PDPR: variants seen among roughly 807,000 people sequenced by gnomAD.
The protein encoded by PDPR is pyruvate dehydrogenase phosphatase regulatory subunit, mitochondrial.
Under a neutral mutation model 102.2 loss-of-function variants are expected in PDPR, and 50 were observed. The observed-to-expected ratio is 0.49, with a 90% CI of 0.39 to 0.62. The LOEUF (loss-of-function observed/expected upper bound fraction) is 0.62. PDPR is among the 20% of genes least tolerant of loss of function. The pLI, the probability that PDPR is intolerant of heterozygous loss-of-function variation, is 0.00. For missense variants in PDPR, 625 were observed against 1,098.2 expected (o/e 0.57, Z 6.09); for synonymous variants, 259 against 406.0 (o/e 0.64, Z 4.35).
intron 17 of PDPR, among the ~76,000 whole-genome samples, chr16:70,151,001 C>A (rs112451939): frequency 1.1e-4 from 17 of 152,218 alleles, no homozygotes; most frequent in Admixed American, 7.2e-4. Context: ...GTGGCATGAT[C>A]TCGGCTCACT....
At chr16:70,149,228 ACTGCTATTCTTCATCCTGTTTTT>A (rs1966501413) in intron 17 of PDPR, among the ~76,000 whole-genome samples, 1 of 150,166 alleles carries the variant, frequency 6.7e-6, no homozygotes, top group Non-Finnish European at 1.5e-5. Context: ...ATGGAAGCAT[ACTGCTATTCTTCATCCTGTTTTT>A]TTTTTTTTCA....
chr16:70,155,697 C>T (rs1967082293), intron 18 of PDPR, among the ~76,000 whole-genome samples: 1 of 152,104 alleles, frequency 6.6e-6, no homozygotes, highest in African/African-American at 2.4e-5. Context: ...GCCATAATCA[C>T]CGTTAATAGT....
intron 15 of PDPR, among the ~76,000 whole-genome samples, chr16:70,145,055 C>T (rs1346704089): frequency 6.6e-6 from 1 of 152,200 alleles, no homozygotes; most frequent in Non-Finnish European, 1.5e-5. Context: ...GAATTTGAGA[C>T]CAGCCTGGCC....
rs534721187 is a variant in PDPR at position 70,134,558 on chromosome 16, C to T, written c.998-1636C>T. ...CTGTAATCCCAGCACTTTGGGAGGC[C>T]AAGGCGGGCAGATCGCCTGAGGTCA... On this transcript the variant is annotated intron_variant, in intron 9 of 18. Coordinates refer to ENST00000288050, the MANE Select transcript of PDPR (RefSeq NM_017990.5). 2.7e-4 allele frequency among the ~76,000 whole-genome samples: 40 copies of T among 148,488 alleles called. No individual in the cohort carries two copies. In the East Asian group the frequency reaches 5.4e-3, roughly 20 times the overall value.
Position 70,156,695 on chromosome 16 carries a change from A to G in PDPR, c.2456A>G (p.Asn819Ser), listed in dbSNP as rs767864452. ...CACGTTTGCCTGGGCTTTGTGCACAATTTTTCTGAGGACACGGGGGAAGAG... is the reference window on the plus strand; with the variant it reads ...CACGTTTGCCTGGGCTTTGTGCACAGTTTTTCTGAGGACACGGGGGAAGAG... ...ERHVCLGFVH[N>S]FSEDTGEEQV... Residue 819 changes from asparagine (N) to serine (S), a missense_variant, in exon 19 of 19, where the codon AAT becomes AGT. Physicochemically the swap from Asn to Ser is conservative, Grantham distance 46 (BLOSUM62 1). Transcript: ENST00000288050. 132 of 1,613,796 alleles carry G rather than the reference A, an allele frequency of 8.2e-5. No individual in the cohort carries two copies. Among genetic ancestry groups the G allele is most frequent in the Admixed American group, 2.3e-4 (14 of 60,002 alleles).
rs543693500 is a variant in PDPR, at chr16:70,149,999, C to T, written c.2052+1446C>T. 3.3e-5 allele frequency among the ~76,000 whole-genome samples: 5 copies of T among 152,124 alleles called. No individual in the cohort carries two copies. In the East Asian group the frequency reaches 7.7e-4, roughly 24 times the overall value. On this transcript the variant is annotated intron_variant, in intron 17 of 18. Transcript: ENST00000288050. ...TAGAGACGGGGTTTCACCGGGTTAA[C>T]CAGAATGGTCTCGATCTCCTACCTC...
At position 70,130,334 on chromosome 16, in the gene PDPR, A is replaced by G. The variant is rs533571988; in HGVS notation, c.608-89A>G. On this transcript the variant is annotated intron_variant, in intron 6 of 18. Transcript: ENST00000288050. ...ATTAAAGCATTGACTTGACTTTGTCAGTGTTTCTTCTGGGTGGAGAACCTG... is the reference window on the plus strand; with the variant it reads ...ATTAAAGCATTGACTTGACTTTGTCGGTGTTTCTTCTGGGTGGAGAACCTG... 2.6e-5 allele frequency: 36 copies of G among 1,384,182 alleles called. No individual in the cohort carries two copies. The South Asian group carries it at 4.4e-4, about 17-fold the overall frequency. The allele number at this position is 1,384,182 out of a possible 1,614,324, so 85.7% of individuals were successfully genotyped here. A position where few individuals can be genotyped will look rare whatever the true frequency, so the allele number is the denominator to read the frequency against.
chr16:70,115,343 C>G (rs2549294), intron 2 of PDPR, among the ~76,000 whole-genome samples: 50 of 152,224 alleles, frequency 3.3e-4, no homozygotes, highest in South Asian at 4.1e-4. Context: ...AGGCTGGTCT[C>G]GAACTCCTGA....
At chr16:70,154,401 T>G (rs1966886252) in intron 18 of PDPR, among the ~76,000 whole-genome samples, 1 of 152,278 alleles carries the variant, frequency 6.6e-6, no homozygotes, top group African/African-American at 2.4e-5. Context: ...CCTAGCACTT[T>G]GGGAGGCCAA....
Position 70,161,151 on chromosome 16 carries a change from C to T in PDPR, c.*4272C>T, listed in dbSNP as rs1967747913. 1 of 153,076 alleles carries T rather than the reference C, an allele frequency of 6.5e-6. No individual in the cohort carries two copies. The highest frequency in any genetic ancestry group is 1.5e-5 in the Non-Finnish European group (1 of 68,746). 9.5% of individuals were successfully genotyped at this position (153,076 alleles called of 1,614,324 possible). ...GGTTGGCCGGGCGTGGTCGCTTACTCCTGTAATCCCAGCACTTTGGGAGGC... is the reference window on the plus strand; with the variant it reads ...GGTTGGCCGGGCGTGGTCGCTTACTTCTGTAATCCCAGCACTTTGGGAGGC... On this transcript the variant is annotated 3_prime_UTR_variant, in exon 19 of 19. Transcript: ENST00000288050.
intron 2 of PDPR, among the ~76,000 whole-genome samples, chr16:70,118,287 G>T (rs1399019814): frequency 6.6e-6 from 1 of 152,228 alleles, no homozygotes; most frequent in African/African-American, 2.4e-5. Flanking sequence ...GATGCAAGTG[G>T]GTCTATAGGA....
At chr16:70,122,846 T>TAC (rs1437017547) in intron 3 of PDPR, among the ~76,000 whole-genome samples, 1 of 61,236 alleles carries the variant, frequency 1.6e-5, no homozygotes, top group African/African-American at 5.6e-5. Flanking sequence ...TATATCTGTA[T>TAC]ACACACATAC....
chr16:70,128,748 T>A (rs769576493), intron 4 of PDPR, 36 bp from the exon 5 acceptor site: 1 of 1,613,496 alleles, frequency 6.2e-7, no homozygotes, highest in South Asian at 1.1e-5. Context: ...CTACATTTGG[T>A]CTGATCTGTC....
In PDPR at chr16:70,157,118, A is replaced by C; in HGVS notation, c.*239A>C. 1.4e-6 allele frequency: 1 copy of C among 703,952 alleles called. No individual in the cohort carries two copies. Among genetic ancestry groups the C allele is most frequent in the Non-Finnish European group, 2.5e-6 (1 of 394,382 alleles). 43.6% of individuals were successfully genotyped at this position (703,952 alleles called of 1,614,324 possible). A position where few individuals can be genotyped will look rare whatever the true frequency, so the allele number is the denominator to read the frequency against. ...GGCTCTTCTTCCCTTCCCACCCCTCACTCAGCTTCTCGTGGTGGCAGGAGG... is the reference window on the plus strand; with the variant it reads ...GGCTCTTCTTCCCTTCCCACCCCTCCCTCAGCTTCTCGTGGTGGCAGGAGG... On this transcript the variant is annotated 3_prime_UTR_variant, in exon 19 of 19. Coordinates refer to ENST00000288050, the MANE Select transcript of PDPR (RefSeq NM_017990.5).
chr16:70,153,576 A>T lies in PDPR; in HGVS notation c.2235+3A>T, dbSNP rs780451800. 3.1e-5 allele frequency: 49 copies of T among 1,595,972 alleles called. No homozygotes were observed. Among genetic ancestry groups the T allele is most frequent in the Non-Finnish European group, 3.7e-5 (43 of 1,171,864 alleles). On this transcript the variant is annotated splice_donor_region_variant and intron_variant, in intron 18 of 18. Coordinates refer to ENST00000288050, the MANE Select transcript of PDPR (RefSeq NM_017990.5). ...AGTCTCGGGTGAAATTAGAGAAGGT[A>T]CTGTGTTTACCCAGACTCCACTTTC...
At chr16:70,122,128 A>G (rs1415883786) in intron 3 of PDPR, among the ~76,000 whole-genome samples, 1 of 152,248 alleles carries the variant, frequency 6.6e-6, no homozygotes, top group Non-Finnish European at 1.5e-5. Context: ...CTGGGATTAC[A>G]GGCACCCACC....
chr16:70,137,690 A>G (rs1319518885), intron 10 of PDPR, among the ~76,000 whole-genome samples: 1 of 152,282 alleles, frequency 6.6e-6, no homozygotes, highest in Admixed American at 6.5e-5. Context: ...AATTTATGAG[A>G]CCAGTTCTCT....
At chr16:70,139,890 A>G (rs1168686495) in intron 11 of PDPR, among the ~76,000 whole-genome samples, 3 of 152,274 alleles carry the variant, frequency 2.0e-5, no homozygotes, top group Non-Finnish European at 4.4e-5. Flanking sequence ...TGGTAGTTGA[A>G]CAACATTGTT....
intron 18 of PDPR, chr16:70,156,261 C>T: frequency 3.3e-6 from 2 of 605,710 alleles, no homozygotes; most frequent in South Asian, 2.3e-5. Context: ...ATGCGTACCT[C>T]TGTTGTTACA....
Sources: allele counts gnomAD v4.1 joint callset (sites outside exome capture counted in the v4.1 genomes callset), GRCh38; gene constraint gnomAD v4.1.1; transcripts MANE v1.5; gene names NCBI Gene and HGNC (gene_info 2026-07-23, HGNC 2026-07-21).